Variants in GRB2 observed in about 807,000 individuals in gnomAD.
GRB2 encodes the protein growth factor receptor-bound protein 2.
GRB2 carries 2 observed loss-of-function variants against 27.4 expected under a neutral mutation model. That is an observed-to-expected ratio of 0.07 (90% CI 0.03 to 0.23). The LOEUF is 0.23. Ranked by LOEUF, GRB2 falls within the 10% of genes least tolerant of loss-of-function variation. The probability of loss-of-function intolerance (pLI) is 1.00; values close to 1 mark genes in which losing one functional copy is unlikely to be tolerated. For synonymous variants in GRB2, 94 were observed against 99.6 expected (o/e 0.94, Z 0.33); for missense variants, 102 against 282.4 (o/e 0.36, Z 4.58).
chr17:75,390,973 T>A (rs1411318697), intron 2 of GRB2, among the ~76,000 whole-genome samples: 1 of 152,142 alleles, frequency 6.6e-6, no homozygotes, highest in East Asian at 1.9e-4. Flanking sequence ...CCTCAAGACG[T>A]CCCAAATCAA....
intron 4 of GRB2, among the ~76,000 whole-genome samples, chr17:75,322,915 C>T (rs202146078): frequency 7.2e-5 from 11 of 152,004 alleles, no homozygotes; most frequent in Admixed American, 1.3e-4. Flanking sequence ...GTCAGGATAT[C>T]GAGACCACCA....
intron 2 of GRB2, chr17:75,344,564 A>G (rs566456100): frequency 6.6e-6 from 1 of 151,796 alleles, no homozygotes; most frequent in African/African-American, 2.4e-5. Flanking sequence ...GCTAATTTCT[A>G]TATTTTCAGT....
At chr17:75,333,101 A>C (rs529183390) in intron 2 of GRB2, among the ~76,000 whole-genome samples, 2 of 151,696 alleles carry the variant, frequency 1.3e-5, no homozygotes, top group Admixed American at 1.3e-4. Context: ...TTTAAGACGG[A>C]GTCTTGCTCT....
At chr17:75,358,882 C>CAA (rs71159498) in intron 2 of GRB2, among the ~76,000 whole-genome samples, 65 of 94,150 alleles carry the variant, frequency 6.9e-4, no homozygotes, top group South Asian at 4.6e-3. Flanking sequence ...GACTCTGTCT[C>CAA]AAAAAAAAAA....
chr17:75,389,574 C>T (rs561882426), intron 2 of GRB2, among the ~76,000 whole-genome samples: 4 of 152,274 alleles, frequency 2.6e-5, no homozygotes, highest in South Asian at 4.1e-4. Flanking sequence ...TTGCCGGGCG[C>T]GGTGGCTCAC....
chr17:75,402,614 T>G (rs1342302538), intron 1 of GRB2, among the ~76,000 whole-genome samples: 3 of 152,204 alleles, frequency 2.0e-5, no homozygotes, highest in African/African-American at 7.2e-5. Context: ...ACTGATTCAC[T>G]GTGGGGTACA....
intron 2 of GRB2, among the ~76,000 whole-genome samples, chr17:75,366,275 G>A (rs1488379532): frequency 6.6e-6 from 1 of 151,424 alleles, no homozygotes; most frequent in African/African-American, 2.4e-5. Flanking sequence ...CACATAACTC[G>A]ACTGTGTAGG....
chr17:75,403,001 G>A (rs1481259443), intron 1 of GRB2, among the ~76,000 whole-genome samples: 2 of 131,490 alleles, frequency 1.5e-5, no homozygotes, highest in Non-Finnish European at 3.1e-5. Flanking sequence ...CCCGAACCCA[G>A]GAGGTGGAAG....
At position 75,329,113 on chromosome 17, in the gene GRB2, C is replaced by T. The variant is rs116160110; in HGVS notation, c.177-3093G>A. ...CTGACTGGGTACAGCAGTGAAAATC[C>T]ACACATGGCCTCGGCTGGCTCTCCC... On this transcript the variant is annotated intron_variant, in intron 3 of 5. Transcript: ENST00000316804. 9.7e-3 allele frequency among the ~76,000 whole-genome samples: 1,472 copies of T among 151,904 alleles called. 28 individuals carry two copies. The highest frequency in any genetic ancestry group is 0.048 in the South Asian group (232 of 4,818).
intron 1 of GRB2, among the ~76,000 whole-genome samples, chr17:75,396,371 T>C (rs115532908): frequency 6.6e-6 from 1 of 152,176 alleles, no homozygotes; most frequent in African/African-American, 2.4e-5. Context: ...GCTTCCCAAG[T>C]AGCTGGAACT....
chr17:75,381,720 C>CAAAAAAAAAAAAAAAA (rs373432382), intron 2 of GRB2, among the ~76,000 whole-genome samples: 1 of 98,350 alleles, frequency 1.0e-5, no homozygotes, highest in Non-Finnish European at 1.9e-5. Flanking sequence ...GACTCCGTCT[C>CAAAAAAAAAAAAAAAA]AAAAAAAAAA....
intron 5 of GRB2, 47 bp downstream of exon 5, chr17:75,321,612 G>A: frequency 1.3e-6 from 2 of 1,565,258 alleles, no homozygotes; most frequent in South Asian, 1.1e-5. Context: ...ACACTGAGGA[G>A]CTATTCTTAA....
intron 2 of GRB2, among the ~76,000 whole-genome samples, chr17:75,337,895 CTACTACTATTATTATTAT>C (rs1395595823): frequency 1.4e-4 from 18 of 124,462 alleles, no homozygotes; most frequent in African/African-American, 5.9e-4. Flanking sequence ...ACTACTACTA[CTACTACTATTATTATTAT>C]TATTATTATT....
intron 2 of GRB2, among the ~76,000 whole-genome samples, chr17:75,334,276 T>C (rs1224239768): frequency 6.6e-6 from 1 of 152,058 alleles, no homozygotes; most frequent in Non-Finnish European, 1.5e-5. Context: ...GTTCACGCCA[T>C]TCTCTTGCCT....
At chr17:75,328,092 G>A (rs904059449) in intron 3 of GRB2, among the ~76,000 whole-genome samples, 6 of 152,168 alleles carry the variant, frequency 3.9e-5, no homozygotes, top group Non-Finnish European at 7.3e-5. Context: ...GGAGGCTGAG[G>A]TGGGGTGAAT....
intron 2 of GRB2, chr17:75,372,764 T>A (rs1330163975): frequency 1.3e-5 from 2 of 152,214 alleles, no homozygotes; most frequent in African/African-American, 4.8e-5. Context: ...GCTACAGTAC[T>A]CAACAGTGCA....
rs2145856169 is a variant in GRB2 at position 75,372,834 on chromosome 17, T to C, written c.78+20717A>G. ...AGACAAATACTTTGTGGTCTAAACT[T>C]AAAACACTATCAATACGCATTCGAT... is the stretch of plus-strand genomic sequence containing the variant. On this transcript the variant is annotated intron_variant, in intron 2 of 5. Coordinates refer to ENST00000316804, the MANE Select transcript of GRB2 (RefSeq NM_002086.5). 1.3e-5 allele frequency: 2 copies of C among 152,336 alleles called. 1 individual carries two copies. Among genetic ancestry groups the C allele is most frequent in the South Asian group, 4.1e-4 (2 of 4,832 alleles). The allele number at this position is 152,336 out of a possible 1,614,324, so 9.4% of individuals were successfully genotyped here. A position where few individuals can be genotyped will look rare whatever the true frequency, so the allele number is the denominator to read the frequency against.
intron 2 of GRB2, among the ~76,000 whole-genome samples, chr17:75,385,826 T>C (rs1196809529): frequency 6.6e-6 from 1 of 152,268 alleles, no homozygotes; most frequent in East Asian, 1.9e-4. Context: ...TCTGTGCAAG[T>C]GTAGGCATTA....
chr17:75,385,766 T>C (rs2078959954), intron 2 of GRB2, among the ~76,000 whole-genome samples: 1 of 152,224 alleles, frequency 6.6e-6, no homozygotes, highest in African/African-American at 2.4e-5. Context: ...AAGTATTTAA[T>C]ATGTTAGTTA....
Sources: gnomAD v4.1 joint callset for allele counts (sites outside exome capture counted in the v4.1 genomes callset) on GRCh38, gnomAD v4.1.1 for gene constraint, MANE v1.5 for transcripts, NCBI Gene and HGNC (gene_info 2026-07-23, HGNC 2026-07-21) for gene names.